Variants in IBTK observed in about 807,000 individuals in gnomAD.
IBTK encodes inhibitor of Bruton tyrosine kinase.
In IBTK, 83 loss-of-function variants were observed where a neutral mutation model predicts 154.9. The ratio of observed to expected loss-of-function variants is 0.54; its 90% confidence interval spans 0.45 to 0.64. IBTK has a LOEUF of 0.64. Ranked by LOEUF, IBTK falls within the 30% of genes least tolerant of loss-of-function variation. IBTK has a pLI of 0.00. For missense variants in IBTK, 1,332 were observed against 1,584.6 expected (o/e 0.84, Z 2.71); for synonymous variants, 515 against 536.1 (o/e 0.96, Z 0.54).
chr6:82,208,576 T>TA (rs915385803), intron 16 of IBTK, among the ~76,000 whole-genome samples: 3 of 151,854 alleles, frequency 2.0e-5, no homozygotes, highest in Non-Finnish European at 4.4e-5. Flanking sequence ...GCTCTGTCTC[T>TA]AAAAAAATTT....
At chr6:82,228,568 AAAC>A (rs1197267817) in intron 4 of IBTK, among the ~76,000 whole-genome samples, 1 of 152,192 alleles carries the variant, frequency 6.6e-6, no homozygotes, top group African/African-American at 2.4e-5. Context: ...TTCTACTACT[AAAC>A]AACAGTTGCA....
Position 82,240,535 on chromosome 6 carries a change from A to T in IBTK, c.-49T>A, listed in dbSNP as rs1347226905. ...CTTCAGAATCGTGAAAACTAATTTT[A>T]AAAAATGAAAAAGCCAGGACACAAA... On this transcript the variant is annotated 5_prime_UTR_variant, in exon 2 of 29. Coordinates refer to ENST00000306270, the MANE Select transcript of IBTK (RefSeq NM_015525.4). 1.3e-6 allele frequency: 2 copies of T among 1,494,022 alleles called. No individual in the cohort carries two copies. Among genetic ancestry groups the T allele is most frequent in the Non-Finnish European group, 1.8e-6 (2 of 1,105,342 alleles). The allele number at this position is 1,494,022 out of a possible 1,614,324, so 92.5% of individuals were successfully genotyped here. A position where few individuals can be genotyped will look rare whatever the true frequency, so the allele number is the denominator to read the frequency against.
chr6:82,220,720 G>GAAAA lies in IBTK; in HGVS notation c.1125-11_1125-8dup, dbSNP rs34032511. 3.2e-6 allele frequency: 4 copies of GAAAA among 1,259,274 alleles called. No homozygotes were observed. The highest frequency in any genetic ancestry group is 1.6e-5 in the South Asian group (1 of 62,900). 78.0% of individuals were successfully genotyped at this position (1,259,274 alleles called of 1,614,324 possible). On this transcript the variant is annotated splice_region_variant and splice_polypyrimidine_tract_variant and intron_variant, in intron 8 of 28. Coordinates refer to ENST00000306270, the MANE Select transcript of IBTK (RefSeq NM_015525.4). ...TTTTTTCAAGTTCAACTGTCTAGAT[G>GAAAA]AAAAAAAAAAAAATCCTAGATTAAT...
At chr6:82,215,103 T>C (rs1253757770) in intron 11 of IBTK, among the ~76,000 whole-genome samples, 1 of 152,206 alleles carries the variant, frequency 6.6e-6, no homozygotes, top group African/African-American at 2.4e-5. Context: ...CTTACAGTAC[T>C]GTGGGAATGC....
intron 8 of IBTK, among the ~76,000 whole-genome samples, chr6:82,220,979 C>CACACACAT (rs1183065764): frequency 1.3e-5 from 2 of 150,846 alleles, no homozygotes; most frequent in South Asian, 2.1e-4. Context: ...CACACACACA[C>CACACACAT]ATTAAATGCC....
chr6:82,224,362 C>T (rs945542661), intron 6 of IBTK, among the ~76,000 whole-genome samples, 177 bp from the exon 7 acceptor site: 6 of 152,170 alleles, frequency 3.9e-5, no homozygotes, highest in Non-Finnish European at 8.8e-5. Context: ...GAATCCTTCT[C>T]GGAACACAAA....
At chr6:82,228,377 T>G (rs1770372819) in intron 4 of IBTK, among the ~76,000 whole-genome samples, 1 of 152,164 alleles carries the variant, frequency 6.6e-6, no homozygotes, top group Non-Finnish European at 1.5e-5. Flanking sequence ...ATAAAAAAAG[T>G]AATGCAAAGA....
At chr6:82,244,468 C>T (rs527906302) in intron 1 of IBTK, among the ~76,000 whole-genome samples, 1 of 152,204 alleles carries the variant, frequency 6.6e-6, no homozygotes, top group African/African-American at 2.4e-5. Flanking sequence ...AACATTTAAG[C>T]ATGGGCTCTC....
intron 21 of IBTK, among the ~76,000 whole-genome samples, chr6:82,197,466 T>C (rs1490158089): frequency 2.0e-5 from 3 of 149,812 alleles, no homozygotes; most frequent in South Asian, 2.1e-4. Flanking sequence ...CACCTCCAGG[T>C]TCAAGTGTTT....
intron 18 of IBTK, 64 bp from the exon 19 acceptor site, chr6:82,201,546 T>C (rs920438938): frequency 2.7e-6 from 3 of 1,111,190 alleles, no homozygotes; most frequent in Non-Finnish European, 4.0e-6. Flanking sequence ...TCAAGTTGCT[T>C]ACATACGTAG....
chr6:82,243,016 C>T (rs991012699), intron 1 of IBTK, among the ~76,000 whole-genome samples: 5 of 151,944 alleles, frequency 3.3e-5, no homozygotes, highest in South Asian at 2.1e-4. Flanking sequence ...CCAAGGCAGG[C>T]GAATCACGAG....
At chr6:82,244,843 G>A (rs1257646975) in intron 1 of IBTK, among the ~76,000 whole-genome samples, 1 of 152,000 alleles carries the variant, frequency 6.6e-6, no homozygotes, top group Admixed American at 6.6e-5. Flanking sequence ...AAAAGAGGGA[G>A]TCAGACTTCA....
At chr6:82,218,795 T>C (rs1372944323) in intron 9 of IBTK, among the ~76,000 whole-genome samples, 7 of 152,288 alleles carry the variant, frequency 4.6e-5, no homozygotes, top group South Asian at 2.1e-4. Context: ...ATTTGAAAAA[T>C]TGGAACTGCT....
chr6:82,208,464 T>G (rs1769497361), intron 16 of IBTK, among the ~76,000 whole-genome samples: 1 of 152,028 alleles, frequency 6.6e-6, no homozygotes, highest in South Asian at 2.1e-4. Flanking sequence ...CATAGACAAT[T>G]TGGACATCAT....
chr6:82,231,680 T>G (rs1375846028), intron 4 of IBTK, 38 bp downstream of exon 4: 1 of 1,486,846 alleles, frequency 6.7e-7, no homozygotes, highest in Admixed American at 2.3e-5. Flanking sequence ...AAGTTCTTTC[T>G]CATCTCTAAA....
Position 82,194,489 on chromosome 6 carries a change from C to G in IBTK, c.3328G>C (p.Gly1110Arg). The change falls in exon 23 of 29, where the codon GGT (glycine) becomes CGT (arginine). Residue 1110 changes from glycine (G) to arginine (R), a missense_variant. Around this residue, in one of 3 missense-constraint regions of IBTK, gnomAD observed 1,134 missense variants for 1,274.7 expected, o/e 0.89. Transcript: ENST00000306270. ...DTTSSASWVA[G>R]SFSPVSPPVV... is the part of the protein sequence containing the mutation. Reference sequence around the variant, plus strand: ...AAATAAAAATCCTACCTGAAAGAACCAGCAACCCAACTGGCAGAGCTGGTA... The same window carrying G: ...AAATAAAAATCCTACCTGAAAGAACGAGCAACCCAACTGGCAGAGCTGGTA... 1 of 1,571,578 alleles carries G rather than the reference C, an allele frequency of 6.4e-7. No homozygotes were observed. The highest frequency in any genetic ancestry group is 8.6e-7 in the Non-Finnish European group (1 of 1,161,460).
chr6:82,243,779 C>T (rs980657299), intron 1 of IBTK, among the ~76,000 whole-genome samples: 1 of 152,078 alleles, frequency 6.6e-6, no homozygotes, highest in African/African-American at 2.4e-5. Flanking sequence ...TCATTGTATG[C>T]ATAATACCTG....
At chr6:82,207,170 T>A (rs2127810813) in intron 16 of IBTK, among the ~76,000 whole-genome samples, 1 of 152,260 alleles carries the variant, frequency 6.6e-6, no homozygotes, top group East Asian at 1.9e-4. Flanking sequence ...GATGACATGA[T>A]CTTGCATATA....
In IBTK at chr6:82,211,381, T is replaced by C; in HGVS notation, c.2398A>G (p.Ser800Gly). 2 of 1,606,494 alleles carry C rather than the reference T, an allele frequency of 1.2e-6. No individual in the cohort carries two copies. The highest frequency in any genetic ancestry group is 8.5e-7 in the Non-Finnish European group (1 of 1,177,410). Residue 800 changes from serine to glycine, a missense_variant, in exon 15 of 29, where the codon AGC becomes GGC. By Grantham distance (56) the Ser-to-Gly change is moderately conservative. This residue lies in a region of IBTK where 1,134 missense variants were observed against 1,274.7 expected (regional missense o/e 0.89). Transcript: ENST00000306270. ...TTAAATCTTACCTCAATCCATGAGC[T>C]ACTCAGCATACTATGAAAATATTCT... ...RLEYFHSMLS[S>G]SWIEASSCAA...
Sources: allele counts gnomAD v4.1 joint callset (sites outside exome capture counted in the v4.1 genomes callset), GRCh38; gene constraint gnomAD v4.1.1; regional missense constraint gnomAD v4.1.1; transcripts MANE v1.5; gene names NCBI Gene and HGNC (gene_info 2026-07-23, HGNC 2026-07-21).